Variants in DSCAML1 observed in about 807,000 individuals in gnomAD.
DSCAML1 encodes DS cell adhesion molecule like 1.
A neutral mutation model predicts 200.5 loss-of-function variants in DSCAML1; 38 were observed. That is an observed-to-expected ratio of 0.19 (90% CI 0.15 to 0.25). DSCAML1 has a LOEUF of 0.25. Among genes scored for constraint, DSCAML1 ranks in the 10% least tolerant of loss-of-function variants. DSCAML1 has a pLI of 1.00. For missense variants in DSCAML1, 2,223 were observed against 2,858.8 expected (o/e 0.78, Z 5.07); for synonymous variants, 1,215 against 1,165.0 (o/e 1.04, Z -0.87).
chr11:117,700,177 T>C (rs1237388886), intron 3 of DSCAML1, among the ~76,000 whole-genome samples: 1 of 152,228 alleles, frequency 6.6e-6, no homozygotes, highest in East Asian at 1.9e-4. Context: ...AGTAGATGTT[T>C]GAAGAATGAA....
intron 27 of DSCAML1, among the ~76,000 whole-genome samples, 184 bp from the exon 28 acceptor site, chr11:117,433,655 G>A (rs1164851502): frequency 2.0e-5 from 3 of 152,166 alleles, no homozygotes; most frequent in Non-Finnish European, 2.9e-5. Flanking sequence ...CGGTTTCACT[G>A]CTCCAAATTC....
chr11:117,465,197 T>A lies in DSCAML1; in HGVS notation c.3025-15A>T. ...TTCTTGGGTGCCTGTGAGCATGGGG[T>A]GGGGGTGGGCACAAAGAAATGGCAA... On this transcript the variant is annotated splice_polypyrimidine_tract_variant and intron_variant, in intron 16 of 32. Transcript: ENST00000651296. The A allele has an allele frequency of 6.3e-7, 1 of 1,581,566 alleles. No individual in the cohort carries two copies. Among genetic ancestry groups the A allele is most frequent in the Non-Finnish European group, 8.7e-7 (1 of 1,153,816 alleles).
At chr11:117,686,370 C>G (rs886614750) in intron 3 of DSCAML1, among the ~76,000 whole-genome samples, 1 of 152,330 alleles carries the variant, frequency 6.6e-6, no homozygotes, top group Admixed American at 6.5e-5. Context: ...TGGGTCTGAC[C>G]CTTCCTTCTG....
At chr11:117,459,418 C>A (rs7949471) in intron 18 of DSCAML1, among the ~76,000 whole-genome samples, 4,306 of 152,318 alleles carry the variant, frequency 0.028, 218 homozygotes, top group African/African-American at 0.097. Context: ...GCTGCCTCCC[C>A]TGCCTCTGAC....
intron 4 of DSCAML1, among the ~76,000 whole-genome samples, chr11:117,530,253 T>C (rs1226664162): frequency 6.6e-6 from 1 of 152,130 alleles, no homozygotes; most frequent in Admixed American, 6.6e-5. Flanking sequence ...GAGGGACTCT[T>C]GCCTAGTGCC....
chr11:117,755,113 GA>G (rs1293185370), intron 3 of DSCAML1, among the ~76,000 whole-genome samples: 1 of 152,148 alleles, frequency 6.6e-6, no homozygotes, highest in Non-Finnish European at 1.5e-5. Context: ...GTAGTCTGAG[GA>G]AATTGTGCTA....
At chr11:117,657,948 T>C (rs1415626749) in intron 3 of DSCAML1, among the ~76,000 whole-genome samples, 1 of 152,128 alleles carries the variant, frequency 6.6e-6, no homozygotes, top group East Asian at 1.9e-4. Flanking sequence ...CCCAGCACAA[T>C]GAGCACAGAC....
chr11:117,534,329 C>T (rs79941699), intron 3 of DSCAML1, among the ~76,000 whole-genome samples: 181 of 152,352 alleles, frequency 1.2e-3, no homozygotes, highest in African/African-American at 4.1e-3. Flanking sequence ...GAGTGCACGA[C>T]GATATCTTTG....
intron 3 of DSCAML1, among the ~76,000 whole-genome samples, chr11:117,644,153 T>A (rs966094031): frequency 2.0e-5 from 3 of 152,166 alleles, no homozygotes; most frequent in African/African-American, 7.2e-5. Context: ...GCCCCTTGAC[T>A]CGGGCGCTTC....
chr11:117,804,931 G>GAA (rs61012823), intron 1 of DSCAML1, among the ~76,000 whole-genome samples: 1 of 150,782 alleles, frequency 6.6e-6, no homozygotes, highest in Non-Finnish European at 1.5e-5. Flanking sequence ...TCTCATAAAA[G>GAA]AAAAAAAAAA....
At chr11:117,578,805 T>A (rs984578819) in intron 3 of DSCAML1, among the ~76,000 whole-genome samples, 2 of 152,144 alleles carry the variant, frequency 1.3e-5, no homozygotes, top group East Asian at 3.8e-4. Flanking sequence ...TATGAATCTG[T>A]AGCCCTGATC....
intron 3 of DSCAML1, among the ~76,000 whole-genome samples, chr11:117,550,269 C>T (rs748938722): frequency 4.8e-4 from 73 of 152,186 alleles, no homozygotes; most frequent in Non-Finnish European, 9.6e-4. Context: ...GCAATATGAT[C>T]CTCATTTTAT....
At chr11:117,515,062 AG>A (rs1565756221) in intron 8 of DSCAML1, among the ~76,000 whole-genome samples, 1 of 152,222 alleles carries the variant, frequency 6.6e-6, no homozygotes, top group Non-Finnish European at 1.5e-5. Flanking sequence ...TAACCATCGC[AG>A]CCTGCTGCGA....
chr11:117,497,242 T>G (rs545598816), intron 11 of DSCAML1, among the ~76,000 whole-genome samples: 1 of 152,180 alleles, frequency 6.6e-6, no homozygotes, highest in Non-Finnish European at 1.5e-5. Context: ...ATGCCCAGTT[T>G]ACCCAGGGCA....
chr11:117,809,272 G>A (rs374941886), intron 1 of DSCAML1, among the ~76,000 whole-genome samples: 5 of 152,354 alleles, frequency 3.3e-5, no homozygotes, highest in African/African-American at 9.6e-5. Context: ...GCCAGCTGCC[G>A]CGTCTGCACT....
At chr11:117,439,743 A>G in intron 22 of DSCAML1, 76 bp downstream of exon 22, 2 of 1,406,074 alleles carry the variant, frequency 1.4e-6, no homozygotes, top group South Asian at 1.2e-5. Flanking sequence ...GGAGGGCCCC[A>G]GACTCTTCTC....
chr11:117,733,589 C>A (rs530681227), intron 3 of DSCAML1, among the ~76,000 whole-genome samples: 1 of 152,168 alleles, frequency 6.6e-6, no homozygotes, highest in Non-Finnish European at 1.5e-5. Context: ...TCCCTCGACA[C>A]GGCAAGGAAG....
chr11:117,607,190 C>G (rs1254242474), intron 3 of DSCAML1, among the ~76,000 whole-genome samples: 1 of 152,190 alleles, frequency 6.6e-6, no homozygotes. Flanking sequence ...GTCCCTGTGG[C>G]CTTGTCTCCT....
chr11:117,657,124 A>C (rs1371549089), intron 3 of DSCAML1, among the ~76,000 whole-genome samples: 1 of 152,224 alleles, frequency 6.6e-6, no homozygotes, highest in Non-Finnish European at 1.5e-5. Flanking sequence ...AACAGCAGCT[A>C]GTCCTGGAAG....
Sources: gnomAD v4.1 joint callset for allele counts (sites outside exome capture counted in the v4.1 genomes callset) on GRCh38, gnomAD v4.1.1 for gene constraint, MANE v1.5 for transcripts, NCBI Gene and HGNC (gene_info 2026-07-23, HGNC 2026-07-21) for gene names.